Variants in COL22A1 observed in about 807,000 individuals in gnomAD.
The protein encoded by COL22A1 is collagen type XXII alpha 1 chain, also known as collagen alpha-1(XXII) chain.
Under a neutral mutation model 248.9 loss-of-function variants are expected in COL22A1, and 221 were observed. The observed-to-expected ratio is 0.89, with a 90% CI of 0.80 to 0.99. COL22A1 has a LOEUF of 0.99. Among genes scored for constraint, COL22A1 ranks in the 50% least tolerant of loss-of-function variants. The pLI, the probability that COL22A1 is intolerant of heterozygous loss-of-function variation, is 0.00. For missense variants in COL22A1, 2,240 were observed against 2,179.0 expected (o/e 1.03, Z -0.56); for synonymous variants, 891 against 793.4 (o/e 1.12, Z -2.07).
chr8:138,598,560 C>A (rs1010088589), intron 61 of COL22A1, among the ~76,000 whole-genome samples, 159 bp downstream of exon 61: 1 of 152,208 alleles, frequency 6.6e-6, no homozygotes, highest in Non-Finnish European at 1.5e-5. Context: ...AGACAAGGAA[C>A]GGCAGATTCA....
intron 42 of COL22A1, 133 bp downstream of exon 42, chr8:138,663,572 G>C (rs898952104): frequency 3.4e-5 from 25 of 741,106 alleles, no homozygotes; most frequent in Non-Finnish European, 5.9e-5. Flanking sequence ...AGGTTGGACA[G>C]TCTGCACTGT....
chr8:138,664,203 GCGCGCGCACACACA>G (rs1485600494), intron 41 of COL22A1, among the ~76,000 whole-genome samples: 24 of 90,180 alleles, frequency 2.7e-4, no homozygotes, highest in East Asian at 2.5e-3. Context: ...GTGCGCGCGC[GCGCGCGCACACACA>G]CACACACACA....
At chr8:138,899,721 A>G (rs1814402866) in intron 1 of COL22A1, among the ~76,000 whole-genome samples, 1 of 151,976 alleles carries the variant, frequency 6.6e-6, no homozygotes, top group Non-Finnish European at 1.5e-5. Flanking sequence ...ACGGGGTTTC[A>G]CCATGTTGGC....
chr8:138,661,116 A>C (rs1310065279), intron 43 of COL22A1, among the ~76,000 whole-genome samples: 1 of 151,666 alleles, frequency 6.6e-6, no homozygotes, highest in Non-Finnish European at 1.5e-5. Context: ...ACAGACACAC[A>C]CACCCTGTCT....
rs114845921 is a variant in COL22A1 at position 138,844,574 on chromosome 8, A to G, written c.659-416T>C. On this transcript the variant is annotated intron_variant, in intron 3 of 64. Transcript: ENST00000303045. ...AGGACAGAGAAGCTTTCCTGGAAAG[A>G]TTCTTTTTGAAAGAACTGTAAGATT... is the stretch of plus-strand genomic sequence containing the variant. 3.3e-3 allele frequency among the ~76,000 whole-genome samples: 502 copies of G among 152,340 alleles called. 5 individuals are homozygous for G. The highest frequency in any genetic ancestry group is 0.011 in the African/African-American group (460 of 41,580).
rs1823722514 is a variant in COL22A1, at chr8:138,660,490, G to A, written c.3241-10C>T. ...GATTTCCTGGTGCACCCTAAGAGAA[G>A]AAGGAAATAAAACATTAACTGTGAT... On this transcript the variant is annotated splice_polypyrimidine_tract_variant and intron_variant, in intron 43 of 64. Coordinates refer to ENST00000303045, the MANE Select transcript of COL22A1 (RefSeq NM_152888.3). 5 of 1,613,136 alleles carry A rather than the reference G, an allele frequency of 3.1e-6. No homozygotes were observed. Among genetic ancestry groups the A allele is most frequent in the East Asian group, 2.2e-5 (1 of 44,876 alleles).
chr8:138,591,916 T>A (rs1817092728), intron 63 of COL22A1, among the ~76,000 whole-genome samples: 1 of 152,212 alleles, frequency 6.6e-6, no homozygotes, highest in South Asian at 2.1e-4. Context: ...CTCTCTCATA[T>A]GCCGTACACA....
chr8:138,715,565 ATT>A (rs5895555), intron 30 of COL22A1, 115 bp downstream of exon 30: 17 of 360,204 alleles, frequency 4.7e-5, no homozygotes, highest in East Asian at 1.2e-4. Context: ...AGAGACTCTC[ATT>A]TTAAAAAAAA....
At chr8:138,686,301 G>A (rs1040749303) in intron 37 of COL22A1, among the ~76,000 whole-genome samples, 7 of 152,152 alleles carry the variant, frequency 4.6e-5, no homozygotes, top group African/African-American at 1.7e-4. Context: ...CTTCTCTGAC[G>A]ACAGGGCTCT....
At chr8:138,847,709 G>T (rs1821347360) in intron 3 of COL22A1, among the ~76,000 whole-genome samples, 1 of 151,668 alleles carries the variant, frequency 6.6e-6, no homozygotes, top group Admixed American at 6.6e-5. Context: ...TTCTTCCTTT[G>T]CATATGAAAC....
intron 41 of COL22A1, among the ~76,000 whole-genome samples, chr8:138,668,311 C>G (rs1824685712): frequency 6.6e-6 from 1 of 152,106 alleles, no homozygotes; most frequent in Non-Finnish European, 1.5e-5. Flanking sequence ...GATCCTGGCA[C>G]TAGTTGTGGC....
chr8:138,649,021 G>A (rs1407123494), intron 46 of COL22A1, among the ~76,000 whole-genome samples: 1 of 152,174 alleles, frequency 6.6e-6, no homozygotes, highest in African/African-American at 2.4e-5. Flanking sequence ...TATTAAAATG[G>A]TTTTCTTTCT....
chr8:138,724,546 G>A (rs1830149860), intron 25 of COL22A1, 69 bp downstream of exon 25: 1 of 1,480,504 alleles, frequency 6.8e-7, no homozygotes, highest in Non-Finnish European at 9.4e-7. Context: ...AGCTGCAAGG[G>A]CTCAGTGCTC....
chr8:138,662,251 G>A (rs756499723), intron 42 of COL22A1, among the ~76,000 whole-genome samples, 168 bp from the exon 43 acceptor site: 24 of 152,208 alleles, frequency 1.6e-4, no homozygotes, highest in Non-Finnish European at 2.5e-4. Flanking sequence ...TCAACTGACT[G>A]TACCCTATGG....
chr8:138,771,402 G>C (rs903055421), intron 16 of COL22A1, among the ~76,000 whole-genome samples: 2 of 152,176 alleles, frequency 1.3e-5, no homozygotes, highest in African/African-American at 4.8e-5. Flanking sequence ...CAGGCCACAG[G>C]GCATCAGGAA....
At chr8:138,817,143 G>A (rs376487058) in intron 7 of COL22A1, among the ~76,000 whole-genome samples, 30 of 152,330 alleles carry the variant, frequency 2.0e-4, no homozygotes, top group African/African-American at 5.8e-4. Flanking sequence ...ACCTAGAAAC[G>A]TCTATTCAAG....
intron 25 of COL22A1, among the ~76,000 whole-genome samples, chr8:138,723,867 G>C (rs1183833441): frequency 1.3e-5 from 2 of 152,182 alleles, no homozygotes. Context: ...ATGGATCTGT[G>C]CTCCATGGAG....
At chr8:138,805,951 T>TGGTG (rs1817568360) in intron 10 of COL22A1, among the ~76,000 whole-genome samples, 2 of 141,446 alleles carry the variant, frequency 1.4e-5, no homozygotes, top group African/African-American at 2.7e-5. Context: ...TGATGGTATA[T>TGGTG]TATGGTGTGT....
intron 23 of COL22A1, among the ~76,000 whole-genome samples, chr8:138,727,678 A>C (rs1830421450): frequency 6.6e-6 from 1 of 152,146 alleles, no homozygotes; most frequent in African/African-American, 2.4e-5. Flanking sequence ...TTTACTGAAC[A>C]GGATTTGGGG....
Sources: gnomAD v4.1 joint callset for allele counts (sites outside exome capture counted in the v4.1 genomes callset) on GRCh38, gnomAD v4.1.1 for gene constraint, MANE v1.5 for transcripts, NCBI Gene and HGNC (gene_info 2026-07-23, HGNC 2026-07-21) for gene names.